Variants in STAG1 observed in about 807,000 individuals in gnomAD.
STAG1 encodes the protein cohesin subunit SA-1.
In STAG1, 26 loss-of-function variants were observed where a neutral mutation model predicts 170.9. That is an observed-to-expected ratio of 0.15 (90% CI 0.11 to 0.21). The LOEUF (loss-of-function observed/expected upper bound fraction) is 0.21, where lower values mean the gene tolerates loss of function less well. STAG1 is among the 10% of genes least tolerant of loss of function. The pLI is 1.00. For missense variants in STAG1, 964 were observed against 1,509.5 expected, an observed-to-expected ratio of 0.64 and a Z score of 5.99; for synonymous variants, 514 against 497.7, an observed-to-expected ratio of 1.03 and a Z score of -0.44.
intron 3 of STAG1, among the ~76,000 whole-genome samples, chr3:136,606,590 T>C (rs1938951532): frequency 6.6e-6 from 1 of 152,194 alleles, no homozygotes; most frequent in Non-Finnish European, 1.5e-5. Context: ...CTTTTGGCTG[T>C]GACAGTTTCT....
At chr3:136,355,764 AAG>A (rs369628232) in intron 28 of STAG1, among the ~76,000 whole-genome samples, 201 of 152,346 alleles carry the variant, frequency 1.3e-3, no homozygotes, top group South Asian at 9.3e-3. Flanking sequence ...AGAAATCAGT[AAG>A]AGAAGGAAAA....
intron 8 of STAG1, among the ~76,000 whole-genome samples, chr3:136,500,859 A>C (rs1933428826): frequency 6.6e-6 from 1 of 152,238 alleles, no homozygotes; most frequent in South Asian, 2.1e-4. Flanking sequence ...TGGCAAAGAT[A>C]CAAATTTCAG....
chr3:136,746,976 A>C (rs1934965206), intron 1 of STAG1, among the ~76,000 whole-genome samples: 1 of 151,824 alleles, frequency 6.6e-6, no homozygotes, highest in Non-Finnish European at 1.5e-5. Context: ...CATGCCTGTA[A>C]TCCCAGCTAC....
chr3:136,399,863 CTTA>C (rs1161840404), intron 21 of STAG1, among the ~76,000 whole-genome samples: 1 of 152,104 alleles, frequency 6.6e-6, no homozygotes, highest in Non-Finnish European at 1.5e-5. Context: ...TTATAAAATA[CTTA>C]TTAATTCACT....
intron 4 of STAG1, among the ~76,000 whole-genome samples, chr3:136,574,018 G>A (rs1025470826): frequency 9.2e-5 from 14 of 151,862 alleles, no homozygotes; most frequent in African/African-American, 3.4e-4. Context: ...CGAGGCAGGC[G>A]GATCAACAGG....
chr3:136,637,318 G>C (rs1940604913), intron 1 of STAG1, among the ~76,000 whole-genome samples: 1 of 152,146 alleles, frequency 6.6e-6, no homozygotes, highest in Admixed American at 6.5e-5. Context: ...AGATAAATAA[G>C]TAGGAAACAT....
intron 28 of STAG1, among the ~76,000 whole-genome samples, chr3:136,353,124 A>G (rs893557212): frequency 6.6e-6 from 1 of 152,230 alleles, no homozygotes; most frequent in Non-Finnish European, 1.5e-5. Context: ...CAAAAGCAAG[A>G]AACACCACAT....
chr3:136,611,207 C>T (rs889500756), intron 3 of STAG1, among the ~76,000 whole-genome samples: 5 of 152,036 alleles, frequency 3.3e-5, no homozygotes, highest in African/African-American at 4.8e-5. Context: ...TGGATTGCAA[C>T]GGCACAATCT....
intron 8 of STAG1, 128 bp downstream of exon 8, chr3:136,502,500 A>G: frequency 9.9e-7 from 1 of 1,012,186 alleles, no homozygotes; most frequent in Admixed American, 2.6e-5. Context: ...TCATTTGGAA[A>G]CCCTGACATC....
intron 1 of STAG1, among the ~76,000 whole-genome samples, chr3:136,708,903 G>GA (rs1943302686): frequency 6.8e-6 from 1 of 147,520 alleles, no homozygotes; most frequent in Admixed American, 6.8e-5. Context: ...CTTCGAGGCT[G>GA]AATCAACCCT....
chr3:136,438,919 A>C (rs1559801675), intron 15 of STAG1, among the ~76,000 whole-genome samples: 1 of 152,042 alleles, frequency 6.6e-6, no homozygotes, highest in Admixed American at 6.6e-5. Context: ...TTTCTCAGCC[A>C]GGTGTGGTGG....
At chr3:136,433,347 A>C (rs1006765692) in intron 16 of STAG1, among the ~76,000 whole-genome samples, 1 of 152,172 alleles carries the variant, frequency 6.6e-6, no homozygotes, top group African/African-American at 2.4e-5. Context: ...TAACAGAAGC[A>C]GGTACAGGTG....
At position 136,363,414 on chromosome 3, in the gene STAG1, C is replaced by G; in HGVS notation, c.2739G>C (p.Gln913His). The G allele has an allele frequency of 5.0e-6, 8 of 1,607,844 alleles. No homozygotes were observed. Among genetic ancestry groups the G allele is most frequent in the Non-Finnish European group, 6.8e-6 (8 of 1,175,896 alleles). ...TCTTGGCACACTGAATTTTATCAAT[C>G]TGCCTGGTTTTACTCAGTGTTTCCT... is the stretch of plus-strand genomic sequence containing the variant. The part of the protein sequence containing the change: ...IIKETLSKTR[Q>H]IDKIQCAKTL... The change falls in exon 26 of 34, where the codon CAG becomes CAC. Residue 913 changes from glutamine (Q) to histidine (H), a missense_variant. Gln to His is a conservative substitution (Grantham distance 24). Coordinates refer to ENST00000383202, the MANE Select transcript of STAG1 (RefSeq NM_005862.3).
chr3:136,486,371 A>C (rs2090012179), intron 9 of STAG1, among the ~76,000 whole-genome samples: 1 of 152,238 alleles, frequency 6.6e-6, no homozygotes, highest in Admixed American at 6.5e-5. Flanking sequence ...ACAGCTTTGT[A>C]TACTTTGTTT....
intron 1 of STAG1, among the ~76,000 whole-genome samples, chr3:136,745,993 G>A (rs1934918003): frequency 6.6e-6 from 1 of 151,954 alleles, no homozygotes; most frequent in African/African-American, 2.4e-5. Flanking sequence ...AGCAATAAGG[G>A]GTATGTTATA....
At chr3:136,745,218 C>T (rs754621387) in intron 1 of STAG1, among the ~76,000 whole-genome samples, 18 of 152,142 alleles carry the variant, frequency 1.2e-4, no homozygotes, top group Admixed American at 3.9e-4. Context: ...ATCATTTTGG[C>T]CCATAGCACA....
chr3:136,355,980 C>T (rs1936636600), intron 28 of STAG1, among the ~76,000 whole-genome samples: 1 of 152,000 alleles, frequency 6.6e-6, no homozygotes, highest in African/African-American at 2.4e-5. Context: ...AGTTTTCAAA[C>T]CACTCCCACT....
chr3:136,626,990 G>C (rs1292249711), intron 2 of STAG1, among the ~76,000 whole-genome samples: 1 of 152,166 alleles, frequency 6.6e-6, no homozygotes, highest in East Asian at 1.9e-4. Context: ...TGCTTTTGAT[G>C]CTTACAAGTG....
chr3:136,626,678 G>A (rs188749099), intron 2 of STAG1, among the ~76,000 whole-genome samples: 1 of 152,262 alleles, frequency 6.6e-6, no homozygotes, highest in East Asian at 1.9e-4. Flanking sequence ...GAATCATACT[G>A]CTTTTTCTCC....
Sources: gnomAD v4.1 joint callset for allele counts (sites outside exome capture counted in the v4.1 genomes callset) on GRCh38, gnomAD v4.1.1 for gene constraint, MANE v1.5 for transcripts, NCBI Gene and HGNC (gene_info 2026-07-23, HGNC 2026-07-21) for gene names.